Variants in GALNTL6 observed in about 807,000 individuals in gnomAD.
The protein encoded by GALNTL6 is polypeptide N-acetylgalactosaminyltransferase like 6, also known as polypeptide N-acetylgalactosaminyltransferase-like 6.
GALNTL6 carries 46 observed loss-of-function variants against 73.7 expected under a neutral mutation model. That is an observed-to-expected ratio of 0.62 (90% CI 0.49 to 0.80). The LOEUF is 0.80. GALNTL6 is among the 30% of genes least tolerant of loss of function. The pLI is 0.00. For missense variants in GALNTL6, 604 were observed against 755.0 expected, an observed-to-expected ratio of 0.80 and a Z score of 2.34; for synonymous variants, 259 against 263.7, an observed-to-expected ratio of 0.98 and a Z score of 0.17.
chr4:172,889,952 TA>T (rs1269652554), intron 8 of GALNTL6, among the ~76,000 whole-genome samples: 1 of 152,128 alleles, frequency 6.6e-6, no homozygotes, highest in African/African-American at 2.4e-5. Context: ...GTCTATTCAG[TA>T]TCTCAATTTC....
At position 171,836,757 on chromosome 4, in the gene GALNTL6, T is replaced by G. The variant is rs62326279; in HGVS notation, c.138+22039T>G. On this transcript the variant is annotated intron_variant, in intron 2 of 12. Transcript: ENST00000506823. Reference sequence around the variant, plus strand: ...GAGAGGGGAAGTTGGCATTTTCACATGAGAGTTGGGTGATGGCTATGATGG... The same window carrying G: ...GAGAGGGGAAGTTGGCATTTTCACAGGAGAGTTGGGTGATGGCTATGATGG... 4.7e-3 allele frequency among the ~76,000 whole-genome samples: 723 copies of G among 152,236 alleles called. 3 individuals are homozygous for G. The highest frequency in any genetic ancestry group is 8.0e-3 in the Non-Finnish European group (544 of 68,014).
chr4:172,171,186 A>G (rs969803556), intron 2 of GALNTL6, among the ~76,000 whole-genome samples: 14 of 152,336 alleles, frequency 9.2e-5, no homozygotes, highest in African/African-American at 3.4e-4. Context: ...TTTCAGAGTT[A>G]TAACCTCACG....
intron 5 of GALNTL6, among the ~76,000 whole-genome samples, chr4:172,641,620 T>C (rs1490776943): frequency 6.6e-6 from 1 of 152,040 alleles, no homozygotes; most frequent in Non-Finnish European, 1.5e-5. Context: ...TCACTGACAA[T>C]TGGCTACTGC....
At chr4:171,916,202 C>A (rs937770207) in intron 2 of GALNTL6, among the ~76,000 whole-genome samples, 3 of 151,688 alleles carry the variant, frequency 2.0e-5, no homozygotes, top group African/African-American at 7.3e-5. Flanking sequence ...CAACGTTTAA[C>A]ATATAAACTA....
intron 2 of GALNTL6, among the ~76,000 whole-genome samples, chr4:171,949,648 A>G (rs894599644): frequency 2.6e-5 from 4 of 152,228 alleles, no homozygotes; most frequent in African/African-American, 9.6e-5. Flanking sequence ...ACTAGAATAA[A>G]AAGTGTCAAA....
At chr4:172,585,798 A>G (rs950480955) in intron 5 of GALNTL6, among the ~76,000 whole-genome samples, 2 of 152,334 alleles carry the variant, frequency 1.3e-5, no homozygotes, top group Non-Finnish European at 1.5e-5. Flanking sequence ...CAAGGAACTT[A>G]AACAAATTTA....
intron 2 of GALNTL6, among the ~76,000 whole-genome samples, chr4:172,053,285 A>ATTT (rs1730930067): frequency 4.0e-5 from 6 of 151,806 alleles, no homozygotes; most frequent in Admixed American, 2.0e-4. Flanking sequence ...TGTTTTTTTA[A>ATTT]AAAAAACACA....
chr4:171,936,082 G>A (rs1202474003), intron 2 of GALNTL6, among the ~76,000 whole-genome samples: 1 of 152,138 alleles, frequency 6.6e-6, no homozygotes, highest in African/African-American at 2.4e-5. Context: ...TGGTCTCCAG[G>A]TTGAAATACC....
intron 2 of GALNTL6, among the ~76,000 whole-genome samples, chr4:172,136,865 T>C (rs1733650922): frequency 6.6e-6 from 1 of 151,982 alleles, no homozygotes; most frequent in Admixed American, 6.6e-5. Flanking sequence ...CAAGCTACGA[T>C]TTTTATTATG....
At chr4:172,898,569 G>A (rs1011719965) in intron 8 of GALNTL6, among the ~76,000 whole-genome samples, 1 of 151,812 alleles carries the variant, frequency 6.6e-6, no homozygotes, top group African/African-American at 2.4e-5. Context: ...AATCTCTTAA[G>A]TAAATCAGCT....
intron 7 of GALNTL6, among the ~76,000 whole-genome samples, chr4:172,854,746 T>C (rs1744034794): frequency 6.6e-6 from 1 of 152,204 alleles, no homozygotes; most frequent in Non-Finnish European, 1.5e-5. Context: ...CTCTTTCTCC[T>C]TGTTATTGCT....
At chr4:172,992,884 T>G (rs887450466) in intron 10 of GALNTL6, among the ~76,000 whole-genome samples, 1 of 152,144 alleles carries the variant, frequency 6.6e-6, no homozygotes, top group Non-Finnish European at 1.5e-5. Flanking sequence ...GGGGAGAAGA[T>G]GTATTGTCTT....
At chr4:172,989,940 C>T (rs112589617) in intron 10 of GALNTL6, among the ~76,000 whole-genome samples, 129 of 152,284 alleles carry the variant, frequency 8.5e-4, no homozygotes, top group Admixed American at 1.8e-3. Context: ...TTGAGCCCAG[C>T]CGCAAATTTA....
At chr4:172,796,736 A>C (rs1337552425) in intron 5 of GALNTL6, among the ~76,000 whole-genome samples, 3 of 152,202 alleles carry the variant, frequency 2.0e-5, no homozygotes, top group African/African-American at 7.2e-5. Flanking sequence ...CAGACAGCCC[A>C]TTTCCTGCAT....
At chr4:172,877,717 TC>T (rs1177560649) in intron 7 of GALNTL6, among the ~76,000 whole-genome samples, 1 of 151,778 alleles carries the variant, frequency 6.6e-6, no homozygotes, top group Non-Finnish European at 1.5e-5. Flanking sequence ...GTCATGTATT[TC>T]TATGGCCTGT....
chr4:172,486,767 G>A (rs1320046783), intron 5 of GALNTL6, among the ~76,000 whole-genome samples: 1 of 152,138 alleles, frequency 6.6e-6, no homozygotes, highest in South Asian at 2.1e-4. Flanking sequence ...AGAACCTGCT[G>A]AAATGCTCTT....
At chr4:172,981,380 C>T (rs749344896) in intron 10 of GALNTL6, among the ~76,000 whole-genome samples, 10 of 152,182 alleles carry the variant, frequency 6.6e-5, no homozygotes, top group Non-Finnish European at 1.5e-4. Flanking sequence ...TCCACTGTTG[C>T]TGGGTTTTTT....
chr4:172,565,736 G>A (rs904881539), intron 5 of GALNTL6, among the ~76,000 whole-genome samples: 1 of 130,796 alleles, frequency 7.6e-6, no homozygotes, highest in African/African-American at 2.5e-5. Context: ...CTGATCCTGA[G>A]CTTTTCTTTC....
intron 5 of GALNTL6, among the ~76,000 whole-genome samples, chr4:172,677,295 G>A (rs1732357718): frequency 6.6e-6 from 1 of 152,198 alleles, no homozygotes; most frequent in Admixed American, 6.5e-5. Context: ...AAGTGGAAAT[G>A]TGTGATTGTG....
Sources: gnomAD v4.1 joint callset for allele counts (sites outside exome capture counted in the v4.1 genomes callset) on GRCh38, gnomAD v4.1.1 for gene constraint, MANE v1.5 for transcripts, NCBI Gene and HGNC (gene_info 2026-07-23, HGNC 2026-07-21) for gene names.